Variants in PIBF1 observed in about 807,000 individuals in gnomAD.
PIBF1 encodes progesterone-induced-blocking factor 1.
A neutral mutation model predicts 112.5 loss-of-function variants in PIBF1; 90 were observed. The observed-to-expected ratio is 0.80, with a 90% CI of 0.67 to 0.95. PIBF1 has a LOEUF of 0.95. Ranked by LOEUF, PIBF1 falls within the 40% of genes least tolerant of loss-of-function variation. The probability of loss-of-function intolerance (pLI) is 0.00; values close to 1 mark genes in which losing one functional copy is unlikely to be tolerated. For synonymous variants in PIBF1, 301 were observed against 288.6 expected, an observed-to-expected ratio of 1.04 and a Z score of -0.44; for missense variants, 915 against 852.3, an observed-to-expected ratio of 1.07 and a Z score of -0.92.
chr13:72,821,761 A>T, intron 5 of PIBF1, 88 bp from the exon 6 acceptor site: 1 of 908,852 alleles, frequency 1.1e-6, no homozygotes, highest in Non-Finnish European at 1.6e-6. Flanking sequence ...AAGGACAATC[A>T]CAGCTTAACA....
chr13:72,812,471 G>A (rs1293873606), intron 5 of PIBF1, among the ~76,000 whole-genome samples: 2 of 151,954 alleles, frequency 1.3e-5, no homozygotes, highest in African/African-American at 4.8e-5. Context: ...GTGGCTCACG[G>A]CTGTAATCCC....
At chr13:72,926,535 A>G (rs2041489493) in intron 13 of PIBF1, among the ~76,000 whole-genome samples, 1 of 152,198 alleles carries the variant, frequency 6.6e-6, no homozygotes, top group Admixed American at 6.5e-5. Flanking sequence ...CCTGCACACT[A>G]CTGATAGAGC....
chr13:72,796,801 G>A (rs781359400), intron 4 of PIBF1, among the ~76,000 whole-genome samples: 4 of 151,984 alleles, frequency 2.6e-5, no homozygotes, highest in Non-Finnish European at 5.9e-5. Context: ...TATTTTTGCT[G>A]TTTGTTTTCT....
intron 17 of PIBF1, among the ~76,000 whole-genome samples, chr13:73,003,579 A>G (rs2043941699): frequency 6.6e-6 from 1 of 151,840 alleles, no homozygotes; most frequent in South Asian, 2.1e-4. Flanking sequence ...AGTGTAGTCA[A>G]TTCAAGAAGC....
At chr13:73,004,290 A>G (rs1195749463) in intron 17 of PIBF1, among the ~76,000 whole-genome samples, 1 of 152,112 alleles carries the variant, frequency 6.6e-6, no homozygotes, top group Non-Finnish European at 1.5e-5. Flanking sequence ...CAGGAGTTTG[A>G]GACCATCCTG....
chr13:72,844,789 A>ACACACACACACACACACACG lies in PIBF1; in HGVS notation c.1224-9257_1224-9256insACACACACGCACACACACAC, dbSNP rs1594035467. Among the ~76,000 whole-genome samples the ACACACACACACACACACACG allele has an allele frequency of 3.9e-4, 47 of 119,620 alleles. 5 individuals carry two copies. Among genetic ancestry groups the ACACACACACACACACACACG allele is most frequent in the African/African-American group, 1.6e-3 (41 of 26,312 alleles). The allele number at this position is 119,620 out of a possible 152,430, so 78.5% of individuals were successfully genotyped here. ...CACACACACACACACACACACACACACACACACACACGGATGAAGTCTTAC... is the reference window on the plus strand; with the variant it reads ...CACACACACACACACACACACACACACACACACACACACACACACGCACACACACACGGATGAAGTCTTAC... On this transcript the variant is annotated intron_variant, in intron 9 of 17. Coordinates refer to ENST00000326291, the MANE Select transcript of PIBF1 (RefSeq NM_006346.4).
chr13:73,007,054 T>C (rs890715884), intron 17 of PIBF1, among the ~76,000 whole-genome samples: 1 of 151,210 alleles, frequency 6.6e-6, no homozygotes, highest in African/African-American at 2.4e-5. Flanking sequence ...ATATAGTTTA[T>C]ATATATCTGT....
chr13:72,980,398 G>A (rs954936015), intron 16 of PIBF1, among the ~76,000 whole-genome samples: 1 of 152,184 alleles, frequency 6.6e-6, no homozygotes, highest in East Asian at 1.9e-4. Flanking sequence ...AGTCCCTAAA[G>A]CCCAGGGAGA....
intron 10 of PIBF1, among the ~76,000 whole-genome samples, chr13:72,878,120 A>AC: frequency 6.9e-6 from 1 of 144,978 alleles, no homozygotes; most frequent in African/African-American, 2.5e-5. Context: ...GGTTTTATTG[A>AC]TTTTTTTTTT....
intron 10 of PIBF1, 28 bp downstream of exon 10, chr13:72,854,183 A>AGGCCGGGCGCGGTGGCT: frequency 1.5e-6 from 2 of 1,323,268 alleles, no homozygotes; most frequent in Non-Finnish European, 1.1e-6. Flanking sequence ...AGAAATGTTA[A>AGGCCGGGCGCGGTGGCT]AACTCTTCCA....
At chr13:72,891,637 A>C (rs1478799376) in intron 10 of PIBF1, among the ~76,000 whole-genome samples, 1 of 152,100 alleles carries the variant, frequency 6.6e-6, no homozygotes, top group African/African-American at 2.4e-5. Flanking sequence ...ACCCTGTTGG[A>C]AAAAAGTTGG....
At chr13:72,825,644 C>G (rs945312144) in intron 6 of PIBF1, among the ~76,000 whole-genome samples, 1 of 152,126 alleles carries the variant, frequency 6.6e-6, no homozygotes, top group South Asian at 2.1e-4. Context: ...CCACATATAC[C>G]GTTAAGACAC....
rs35878064 is a variant in PIBF1 at position 72,796,649 on chromosome 13, GTT to G, written c.552+1107_552+1108del. 3.3e-3 allele frequency among the ~76,000 whole-genome samples: 452 copies of G among 138,976 alleles called. 4 individuals carry two copies. The highest frequency in any genetic ancestry group is 5.3e-3 in the African/African-American group (206 of 38,656). The allele number at this position is 138,976 out of a possible 152,430, so 91.2% of individuals were successfully genotyped here. A position where few individuals can be genotyped will look rare whatever the true frequency, so the allele number is the denominator to read the frequency against. ...AATGAAGTTACTTTTTTGTTCAGCT[GTT>G]TTTTTTTTTTTTTTAAAAGGCTCAA... On this transcript the variant is annotated intron_variant, in intron 4 of 17. Coordinates refer to ENST00000326291, the MANE Select transcript of PIBF1 (RefSeq NM_006346.4).
chr13:72,826,041 A>T (rs919886524), intron 6 of PIBF1, among the ~76,000 whole-genome samples: 5 of 121,532 alleles, frequency 4.1e-5, no homozygotes, highest in Admixed American at 1.5e-4. Context: ...CCCATCTCAT[A>T]AAAAAAAAAA....
intron 14 of PIBF1, among the ~76,000 whole-genome samples, chr13:72,952,744 A>G (rs1373838956): frequency 1.3e-5 from 2 of 148,616 alleles, no homozygotes; most frequent in African/African-American, 2.5e-5. Context: ...CCTTAGTTGT[A>G]GAGAATCTTT....
At chr13:72,935,146 C>G (rs566331094) in intron 14 of PIBF1, among the ~76,000 whole-genome samples, 1 of 152,008 alleles carries the variant, frequency 6.6e-6, no homozygotes, top group South Asian at 2.1e-4. Flanking sequence ...CCACCATTCC[C>G]GGATAATTTT....
chr13:72,905,274 G>A (rs1428173379), intron 11 of PIBF1, among the ~76,000 whole-genome samples: 1 of 151,856 alleles, frequency 6.6e-6, no homozygotes, highest in Non-Finnish European at 1.5e-5. Flanking sequence ...CACCACGTTG[G>A]CCAGGGTGGT....
rs756226345 is a variant in PIBF1, at chr13:72,893,936, A to C, written c.1475A>C (p.Gln492Pro). The C allele has an allele frequency of 3.1e-6, 5 of 1,597,572 alleles. No homozygotes were observed. The highest frequency in any genetic ancestry group is 3.4e-6 in the Non-Finnish European group (4 of 1,172,454). ...TGTCAATTGGAATGTGAAAAATATC[A>C]GAAAAAATTGGAGGTACATGTACAA... ...TQCQLECEKY[Q>P]KKLEVLTKEF... Residue 492 changes from glutamine to proline, a missense_variant, in exon 11 of 18, where the codon CAG becomes CCG. Physicochemically the swap from Gln to Pro is moderately conservative, Grantham distance 76. Coordinates refer to ENST00000326291, the MANE Select transcript of PIBF1 (RefSeq NM_006346.4).
intron 9 of PIBF1, among the ~76,000 whole-genome samples, chr13:72,847,801 T>C (rs1052324977): frequency 1.3e-5 from 2 of 152,208 alleles, no homozygotes; most frequent in African/African-American, 2.4e-5. Flanking sequence ...ACTACAGTCA[T>C]TGAATAGAAA....
Sources: gnomAD v4.1 joint callset for allele counts (sites outside exome capture counted in the v4.1 genomes callset) on GRCh38, gnomAD v4.1.1 for gene constraint, MANE v1.5 for transcripts, NCBI Gene and HGNC (gene_info 2026-07-23, HGNC 2026-07-21) for gene names.